Variants in RBFOX1 observed in about 807,000 individuals in gnomAD.
RBFOX1 encodes the protein RNA binding protein fox-1 homolog 1.
In RBFOX1, 8 loss-of-function variants were observed where a neutral mutation model predicts 57.7. That is an observed-to-expected ratio of 0.14 (90% CI 0.08 to 0.25). The LOEUF is 0.25. RBFOX1 is among the 10% of genes least tolerant of loss of function. The pLI is 1.00. For synonymous variants in RBFOX1, 326 were observed against 222.4 expected (o/e 1.47, Z -4.15); for missense variants, 611 against 548.5 (o/e 1.11, Z -1.14).
intron 3 of RBFOX1, among the ~76,000 whole-genome samples, chr16:6,727,042 T>C (rs1204985308): frequency 1.1e-4 from 2 of 18,802 alleles, no homozygotes; most frequent in Non-Finnish European, 5.1e-4. Context: ...CTTCAGGTAT[T>C]TGGACTGAAC....
At chr16:7,149,628 G>T (rs905698197) in intron 4 of RBFOX1, among the ~76,000 whole-genome samples, 1 of 151,686 alleles carries the variant, frequency 6.6e-6, no homozygotes, top group African/African-American at 2.4e-5. Flanking sequence ...TGGGATTACA[G>T]GTGCACACCA....
chr16:6,766,009 A>C (rs779702009), intron 3 of RBFOX1, among the ~76,000 whole-genome samples: 3 of 152,086 alleles, frequency 2.0e-5, no homozygotes, highest in Admixed American at 2.0e-4. Flanking sequence ...AGGAGCAAAA[A>C]ACTACCTATT....
intron 2 of RBFOX1, among the ~76,000 whole-genome samples, chr16:6,375,085 C>G (rs2090990901): frequency 6.6e-6 from 1 of 152,142 alleles, no homozygotes; most frequent in African/African-American, 2.4e-5. Flanking sequence ...CGTTTGCAGG[C>G]TAATGGGAGT....
intron 1 of RBFOX1, among the ~76,000 whole-genome samples, chr16:6,109,298 A>G (rs1415163860): frequency 6.6e-6 from 1 of 152,124 alleles, no homozygotes. Context: ...TAATATTTAT[A>G]TTTCACTGAA....
intron 4 of RBFOX1, among the ~76,000 whole-genome samples, chr16:7,319,359 A>G (rs186175169): frequency 6.6e-6 from 1 of 152,276 alleles, no homozygotes; most frequent in Non-Finnish European, 1.5e-5. Context: ...GTGTAGAAAA[A>G]TTAGTGCCTA....
rs2064703481 is a variant in RBFOX1, at chr16:5,330,001, A to G, written c.219+89896A>G. 2.5e-5 allele frequency among the ~76,000 whole-genome samples: 3 copies of G among 120,904 alleles called. No individual in the cohort carries two copies. In the South Asian group the frequency reaches 8.6e-4, roughly 35 times the overall value. 79.3% of individuals were successfully genotyped at this position (120,904 alleles called of 152,430 possible). ...CTGTCTCAAAAAAAAAAAAAAAAAA[A>G]AAGACCGATGCGGTGTCTGATGAGT... On this transcript the variant is annotated intron_variant, in intron 1 of 2. Coordinates refer to the RBFOX1 transcript ENST00000585867.
intron 4 of RBFOX1, among the ~76,000 whole-genome samples, chr16:7,352,984 G>A (rs916335349): frequency 6.6e-6 from 1 of 152,070 alleles, no homozygotes; most frequent in Non-Finnish European, 1.5e-5. Context: ...CCAAAGTGCT[G>A]AGACTGCAAG....
intron 1 of RBFOX1, among the ~76,000 whole-genome samples, chr16:5,443,800 T>C (rs879401845): frequency 1.1e-4 from 17 of 152,240 alleles, no homozygotes; most frequent in Admixed American, 9.8e-4. Flanking sequence ...TTTGAAAATA[T>C]GAACAGGACT....
intron 3 of RBFOX1, among the ~76,000 whole-genome samples, chr16:5,724,050 T>C (rs1217807130): frequency 6.6e-6 from 1 of 152,190 alleles, no homozygotes; most frequent in Non-Finnish European, 1.5e-5. Flanking sequence ...TGTGTGTGCA[T>C]GTGCCTGCGT....
intron 1 of RBFOX1, among the ~76,000 whole-genome samples, chr16:6,105,418 G>C (rs2096366517): frequency 6.6e-6 from 1 of 151,920 alleles, no homozygotes. Flanking sequence ...TTGTTCATCA[G>C]AATTATCACA....
At chr16:5,768,032 A>T (rs938116969) in intron 3 of RBFOX1, among the ~76,000 whole-genome samples, 1 of 152,232 alleles carries the variant, frequency 6.6e-6, no homozygotes, top group Non-Finnish European at 1.5e-5. Context: ...TCACCCAGCT[A>T]TGCAATTATC....
At chr16:5,698,604 T>C (rs4786759) in intron 3 of RBFOX1, among the ~76,000 whole-genome samples, 122,036 of 152,058 alleles carry the variant, frequency 0.8, 53,040 homozygotes, top group Non-Finnish European at 0.96. Flanking sequence ...GAGTATACAT[T>C]CAAAAGATTT....
chr16:7,406,635 G>A (rs1446001797), intron 4 of RBFOX1, among the ~76,000 whole-genome samples: 1 of 152,200 alleles, frequency 6.6e-6, no homozygotes, highest in East Asian at 1.9e-4. Context: ...GCCTTCCAAA[G>A]TGACCACGCA....
At chr16:7,524,129 A>G (rs765971158) in intron 5 of RBFOX1, among the ~76,000 whole-genome samples, 5 of 152,208 alleles carry the variant, frequency 3.3e-5, no homozygotes, top group Non-Finnish European at 7.3e-5. Flanking sequence ...TTCTAAGGAC[A>G]TCGTAGAGGC....
At chr16:6,021,085 C>A (rs569445951) in intron 1 of RBFOX1, among the ~76,000 whole-genome samples, 151 of 152,306 alleles carry the variant, frequency 9.9e-4, no homozygotes, top group African/African-American at 3.6e-3. Flanking sequence ...GCAATTGGCA[C>A]CCCAAAGGCG....
At chr16:6,189,263 C>T (rs972779122) in intron 1 of RBFOX1, among the ~76,000 whole-genome samples, 1 of 152,228 alleles carries the variant, frequency 6.6e-6, no homozygotes, top group Non-Finnish European at 1.5e-5. Flanking sequence ...CAGGGAGATA[C>T]AGAGAGCTTA....
chr16:5,597,842 A>G (rs908793102), intron 2 of RBFOX1, among the ~76,000 whole-genome samples: 3 of 152,166 alleles, frequency 2.0e-5, no homozygotes, highest in Non-Finnish European at 2.9e-5. Context: ...TGCAGTAGGC[A>G]TGCTCAGTTC....
At chr16:6,865,229 C>A (rs1347413381) in intron 3 of RBFOX1, among the ~76,000 whole-genome samples, 2 of 151,922 alleles carry the variant, frequency 1.3e-5, no homozygotes, top group Non-Finnish European at 2.9e-5. Context: ...TCTCGAACTC[C>A]TGACCTCAGG....
chr16:5,536,514 G>A (rs919634951), intron 2 of RBFOX1, among the ~76,000 whole-genome samples: 2 of 152,106 alleles, frequency 1.3e-5, no homozygotes, highest in Admixed American at 6.5e-5. Flanking sequence ...GAGATTACAG[G>A]TGTGAGCCAG....
Sources: gnomAD v4.1 joint callset for allele counts (sites outside exome capture counted in the v4.1 genomes callset) on GRCh38, gnomAD v4.1.1 for gene constraint, MANE v1.5 for transcripts, NCBI Gene and HGNC (gene_info 2026-07-23, HGNC 2026-07-21) for gene names.